Variants in WLS observed in about 807,000 individuals in gnomAD.
The protein encoded by WLS is protein wntless homolog.
WLS carries 23 observed loss-of-function variants against 62.8 expected under a neutral mutation model. The observed-to-expected ratio is 0.37, with a 90% CI of 0.26 to 0.52. WLS has a LOEUF of 0.52. WLS is among the 20% of genes least tolerant of loss of function. The pLI is 0.92. For missense variants in WLS, 615 were observed against 697.3 expected (o/e 0.88, Z 1.33); for synonymous variants, 246 against 244.1 (o/e 1.01, Z -0.07).
rs370680797 is a variant in WLS at position 68,199,950 on chromosome 1, C to T, written c.107-5723G>A. On this transcript the variant is annotated intron_variant, in intron 1 of 11. Coordinates refer to ENST00000262348, the MANE Select transcript of WLS (RefSeq NM_024911.7). ...CAGTCATCAGGTAATAATAGCCTTC[C>T]TCTAAATTAGAGGAAGAATGTCTGC... Among the ~76,000 whole-genome samples the T allele has an allele frequency of 6.6e-5, 10 of 152,196 alleles. No individual in the cohort carries two copies. The East Asian group carries it at 1.7e-3, about 26-fold the overall frequency.
rs1172373954 is a variant in WLS, at chr1:68,161,611, G to A, written c.380-2364C>T. 4.5e-6 allele frequency: 3 copies of A among 668,208 alleles called. No homozygotes were observed. The South Asian group carries it at 6.1e-5, about 14-fold the overall frequency. 41.4% of individuals were successfully genotyped at this position (668,208 alleles called of 1,614,324 possible). A position where few individuals can be genotyped will look rare whatever the true frequency, so the allele number is the denominator to read the frequency against. On this transcript the variant is annotated intron_variant, in intron 2 of 11. Coordinates refer to ENST00000262348, the MANE Select transcript of WLS (RefSeq NM_024911.7). ...CGACATCTTCAGTTTTCTAGCTCTT[G>A]TAGTTTTAACACTGCAGCATCAATG...
chr1:68,179,111 C>T (rs968436677), intron 2 of WLS, among the ~76,000 whole-genome samples: 4 of 152,216 alleles, frequency 2.6e-5, no homozygotes, highest in African/African-American at 9.6e-5. Flanking sequence ...AGAAAATTCA[C>T]TCATTTCAAC....
At chr1:68,216,173 T>C (rs1649719454) in intron 1 of WLS, among the ~76,000 whole-genome samples, 1 of 152,226 alleles carries the variant, frequency 6.6e-6, no homozygotes, top group South Asian at 2.1e-4. Flanking sequence ...AAACTACTCT[T>C]TTTTCTTGTT....
intron 2 of WLS, among the ~76,000 whole-genome samples, chr1:68,171,513 C>G (rs1344087184): frequency 2.0e-5 from 3 of 151,956 alleles, no homozygotes; most frequent in Non-Finnish European, 2.9e-5. Flanking sequence ...AGGATATGAA[C>G]AGCCACTTCG....
At chr1:68,141,606 CG>C (rs1316780761) in intron 10 of WLS, 4 of 152,076 alleles carry the variant, frequency 2.6e-5, no homozygotes, top group African/African-American at 9.7e-5. Context: ...AATATCCTGG[CG>C]AGATCCCCTC....
At chr1:68,119,889 ATC>A (rs1223367082) in intron 11 of WLS, among the ~76,000 whole-genome samples, 2 of 152,190 alleles carry the variant, frequency 1.3e-5, no homozygotes, top group Non-Finnish European at 1.5e-5. Context: ...TTCACTTTCA[ATC>A]TCTCAGCATC....
At chr1:68,188,733 G>A (rs1024563557) in intron 2 of WLS, among the ~76,000 whole-genome samples, 6 of 152,206 alleles carry the variant, frequency 3.9e-5, no homozygotes, top group African/African-American at 1.4e-4. Flanking sequence ...CAATATCAGC[G>A]AAGACGCAAA....
chr1:68,224,402 C>A (rs1157273945), intron 1 of WLS, among the ~76,000 whole-genome samples: 2 of 152,152 alleles, frequency 1.3e-5, no homozygotes, highest in African/African-American at 2.4e-5. Flanking sequence ...CTATATTCTA[C>A]CCCCATCTTC....
chr1:68,144,734 TTTAAAGAAA>T, intron 9 of WLS, 82 bp from the exon 10 acceptor site: 1 of 1,168,482 alleles, frequency 8.6e-7, no homozygotes. Flanking sequence ...AAAGCTTAAT[TTTAAAGAAA>T]TCTGTAAAAC....
intron 1 of WLS, among the ~76,000 whole-genome samples, chr1:68,216,355 G>T (rs528311619): frequency 7.2e-5 from 11 of 152,182 alleles, no homozygotes; most frequent in Non-Finnish European, 4.4e-5. Context: ...TTAGAGTGTT[G>T]TTGGGAAGAT....
chr1:68,232,090 A>C (rs1650454152), intron 1 of WLS, 104 bp downstream of exon 1: 1 of 1,485,466 alleles, frequency 6.7e-7, no homozygotes, highest in African/African-American at 1.4e-5. Flanking sequence ...TAATTAGATC[A>C]TAGAAGCAAG....
rs1646415613 is a variant in WLS at position 68,125,448 on chromosome 1, A to AT, written c.*777dup. The AT allele has an allele frequency of 1.0e-6, 1 of 985,462 alleles. No individual in the cohort carries two copies. Among genetic ancestry groups the AT allele is most frequent in the Middle Eastern group, 5.2e-4 (1 of 1,914 alleles). The allele number at this position is 985,462 out of a possible 1,614,324, so 61.0% of individuals were successfully genotyped here. A position where few individuals can be genotyped will look rare whatever the true frequency, so the allele number is the denominator to read the frequency against. On this transcript the variant is annotated 3_prime_UTR_variant, in exon 12 of 12. Coordinates refer to ENST00000262348, the MANE Select transcript of WLS (RefSeq NM_024911.7). Reference sequence around the variant, plus strand: ...GATTGGATCTACACTTTTGGAGGCTATTTGAAGTATCTTATCAAAATAAAA... The same window carrying AT: ...GATTGGATCTACACTTTTGGAGGCTATTTTGAAGTATCTTATCAAAATAAAA...
At chr1:68,163,846 C>T (rs1570929142) in intron 2 of WLS, among the ~76,000 whole-genome samples, 1 of 152,168 alleles carries the variant, frequency 6.6e-6, no homozygotes, top group African/African-American at 2.4e-5. Flanking sequence ...CATGCTGCCT[C>T]ATATGCAGTA....
intron 11 of WLS, among the ~76,000 whole-genome samples, chr1:68,115,198 G>T (rs1212262452): frequency 5.5e-4 from 84 of 152,208 alleles, no homozygotes; most frequent in Admixed American, 5.2e-3. Flanking sequence ...GCTGCTCCAG[G>T]CTGGCAAATC....
At chr1:68,205,400 T>A (rs568144514) in intron 1 of WLS, among the ~76,000 whole-genome samples, 109 of 152,126 alleles carry the variant, frequency 7.2e-4, no homozygotes, top group East Asian at 3.9e-3. Context: ...GTAATTTTTT[T>A]AAAAAAAACT....
intron 1 of WLS, among the ~76,000 whole-genome samples, chr1:68,206,499 G>A (rs758947154): frequency 6.6e-6 from 1 of 152,194 alleles, no homozygotes; most frequent in Non-Finnish European, 1.5e-5. Flanking sequence ...GGGCATTTGA[G>A]CACCGGGTAG....
At chr1:68,100,200 G>A (rs943335013) in intron 11 of WLS, among the ~76,000 whole-genome samples, 1 of 152,318 alleles carries the variant, frequency 6.6e-6, no homozygotes, top group East Asian at 1.9e-4. Flanking sequence ...AAGTCTAGGG[G>A]CCAAGCTCAC....
rs34130992 is a variant in WLS, at chr1:68,187,189, C to CAAAAAAA, written c.379+6759_379+6765dup. On this transcript the variant is annotated intron_variant, in intron 2 of 11. Coordinates refer to ENST00000262348, the MANE Select transcript of WLS (RefSeq NM_024911.7). ...GGGGGACAGAGCAAGACTCCATCTC[C>CAAAAAAA]AAAAAAAAAAAAAAAAAAAAAATTA... Among the ~76,000 whole-genome samples, 62 of 57,166 alleles carry CAAAAAAA rather than the reference C, an allele frequency of 1.1e-3. 4 individuals carry two copies. The East Asian group carries it at 0.016, about 14-fold the overall frequency. The allele number at this position is 57,166 out of a possible 152,430, so 37.5% of individuals were successfully genotyped here.
chr1:68,112,756 A>T (rs1646244729), intron 11 of WLS, among the ~76,000 whole-genome samples: 1 of 152,242 alleles, frequency 6.6e-6, no homozygotes, highest in Admixed American at 6.5e-5. Context: ...GATTGTTAAG[A>T]AGATTTTAAG....
Sources: allele counts gnomAD v4.1 joint callset (sites outside exome capture counted in the v4.1 genomes callset), GRCh38; gene constraint gnomAD v4.1.1; transcripts MANE v1.5; gene names NCBI Gene and HGNC (gene_info 2026-07-23, HGNC 2026-07-21).